The following WASF3 variants were observed in gnomAD, a reference collection of about 807,000 sequenced individuals.
The protein encoded by WASF3 is WASP family member 3.
In WASF3, 11 loss-of-function variants were observed where a neutral mutation model predicts 46.6. The observed-to-expected ratio is 0.24, with a 90% confidence interval of 0.15 to 0.39. WASF3 has a LOEUF of 0.39. Among genes scored for constraint, WASF3 ranks in the 10% least tolerant of loss-of-function variants. WASF3 has a pLI of 1.00. For missense variants in WASF3, 576 were observed against 669.8 expected, an observed-to-expected ratio of 0.86 and a Z score of 1.55; for synonymous variants, 242 against 259.7, an observed-to-expected ratio of 0.93 and a Z score of 0.65.
chr13:26,686,013 T>A lies in WASF3; in HGVS notation c.*168T>A. The A allele has an allele frequency of 1.2e-6, 1 of 852,474 alleles. No homozygotes were observed. The highest frequency in any genetic ancestry group is 2.0e-5 in the South Asian group (1 of 49,748). The allele number at this position is 852,474 out of a possible 1,614,324, so 52.8% of individuals were successfully genotyped here. A position where few individuals can be genotyped will look rare whatever the true frequency, so the allele number is the denominator to read the frequency against. The stretch of plus-strand genomic sequence containing the variant: ...CTGGGTCTTTTCAGTATTTACTGTG[T>A]AATACTTAAGTGCCACTAAACATAG... On this transcript the variant is annotated 3_prime_UTR_variant, in exon 10 of 10. Transcript: ENST00000335327.
At chr13:26,547,386 C>T in the WASF3 span, among the ~76,000 whole-genome samples, 135 of 106,546 alleles carry the variant, frequency 1.3e-3, no homozygotes, top group Non-Finnish European at 2.2e-3. Flanking sequence ...TTTTCTCCTA[C>T]CCCATCAACA....
intron 1 of WASF3, among the ~76,000 whole-genome samples, chr13:26,578,392 A>G (rs1285028971): frequency 2.0e-5 from 3 of 152,120 alleles, no homozygotes; most frequent in South Asian, 2.1e-4. Context: ...AATTGTTCGT[A>G]ATTCAGTCAT....
At chr13:26,542,603 G>A in the WASF3 span, among the ~76,000 whole-genome samples, 3 of 152,206 alleles carry the variant, frequency 2.0e-5, no homozygotes, top group Non-Finnish European at 4.4e-5. Context: ...AATCTTAATT[G>A]TAGTACTGCA....
rs1332851673 is a variant in WASF3, at chr13:26,605,848, ATAAC to A, written c.-108-7110_-108-7107del. 2.4e-4 allele frequency among the ~76,000 whole-genome samples: 36 copies of A among 152,320 alleles called. 1 individual carries two copies. The highest frequency in any genetic ancestry group is 8.2e-4 in the African/African-American group (34 of 41,570). On this transcript the variant is annotated intron_variant, in intron 1 of 9. Transcript: ENST00000335327. ...AGTTCACTTTTTGTTGTGGTAATGAATAACTAGGCAAATGCAAGAGTAGAACTCA... is the reference window on the plus strand; with the variant it reads ...AGTTCACTTTTTGTTGTGGTAATGAATAGGCAAATGCAAGAGTAGAACTCA...
chr13:26,641,205 G>A (rs986207451), intron 2 of WASF3: 1 of 152,104 alleles, frequency 6.6e-6, no homozygotes, highest in African/African-American at 2.4e-5. Flanking sequence ...AAGGGAGAAG[G>A]CATTCTTAAA....
At chr13:26,596,195 T>C (rs547214201) in intron 1 of WASF3, among the ~76,000 whole-genome samples, 4 of 152,046 alleles carry the variant, frequency 2.6e-5, no homozygotes, top group Middle Eastern at 6.8e-3. Context: ...AATAATGATA[T>C]CTCATTGTGG....
At chr13:26,594,283 A>G (rs1365513783) in intron 1 of WASF3, among the ~76,000 whole-genome samples, 1 of 152,142 alleles carries the variant, frequency 6.6e-6, no homozygotes, top group Non-Finnish European at 1.5e-5. Flanking sequence ...CTAACTCTGC[A>G]TTTGTTAGAT....
At chr13:26,678,737 G>A (rs960341651) in intron 7 of WASF3, among the ~76,000 whole-genome samples, 2 of 152,182 alleles carry the variant, frequency 1.3e-5, no homozygotes, top group African/African-American at 2.4e-5. Context: ...CTTGCCTGCT[G>A]TATGACCAGC....
chr13:26,564,713 G>C (rs1328332109), intron 1 of WASF3, among the ~76,000 whole-genome samples: 1 of 152,106 alleles, frequency 6.6e-6, no homozygotes, highest in African/African-American at 2.4e-5. Flanking sequence ...TTCATTCTTG[G>C]CACGTAGTAG....
the WASF3 span, among the ~76,000 whole-genome samples, chr13:26,541,851 G>C: frequency 6.6e-6 from 1 of 152,182 alleles, no homozygotes; most frequent in South Asian, 2.1e-4. Context: ...TCTTCGTTAA[G>C]CCTCCAACCA....
At chr13:26,680,792 T>C (rs567136813) in intron 7 of WASF3, among the ~76,000 whole-genome samples, 3 of 152,198 alleles carry the variant, frequency 2.0e-5, no homozygotes, top group Non-Finnish European at 4.4e-5. Context: ...CTCTGCTGTT[T>C]CCTGCTTGCC....
At chr13:26,539,272 G>A in the WASF3 span, among the ~76,000 whole-genome samples, 1 of 152,118 alleles carries the variant, frequency 6.6e-6, no homozygotes, top group Admixed American at 6.5e-5. Context: ...TTGACCAAGT[G>A]GTAGCTGAGT....
At chr13:26,683,658 C>G (rs1883313871) in intron 9 of WASF3, among the ~76,000 whole-genome samples, 1 of 151,928 alleles carries the variant, frequency 6.6e-6, no homozygotes, top group African/African-American at 2.4e-5. Flanking sequence ...AGAGTTTGTG[C>G]TGGACTTGTC....
chr13:26,539,929 A>G, the WASF3 span, among the ~76,000 whole-genome samples: 1 of 152,220 alleles, frequency 6.6e-6, no homozygotes, highest in African/African-American at 2.4e-5. Flanking sequence ...TTCAAGGGGC[A>G]GGTCTATGGG....
chr13:26,649,745 C>A (rs1882256871), intron 3 of WASF3, among the ~76,000 whole-genome samples: 2 of 152,176 alleles, frequency 1.3e-5, no homozygotes, highest in Non-Finnish European at 2.9e-5. Context: ...GGAGAAAAAT[C>A]TCTTTGTTCG....
At chr13:26,674,269 G>A (rs1240068351) in intron 6 of WASF3, among the ~76,000 whole-genome samples, 1 of 152,146 alleles carries the variant, frequency 6.6e-6, no homozygotes, top group Non-Finnish European at 1.5e-5. Context: ...CTTTTAAAAA[G>A]TAAGGGGAAT....
At chr13:26,631,698 A>T (rs1881656098) in intron 2 of WASF3, among the ~76,000 whole-genome samples, 2 of 152,148 alleles carry the variant, frequency 1.3e-5, no homozygotes, top group African/African-American at 4.8e-5. Flanking sequence ...GTTTTTTCCA[A>T]TTCTGTGAAG....
At chr13:26,583,879 C>G (rs1466541851) in intron 1 of WASF3, among the ~76,000 whole-genome samples, 1 of 152,126 alleles carries the variant, frequency 6.6e-6, no homozygotes, top group Non-Finnish European at 1.5e-5. Flanking sequence ...TCAAGTAGCC[C>G]AAAAAGGTTT....
At chr13:26,627,263 A>T (rs1056547221) in intron 2 of WASF3, among the ~76,000 whole-genome samples, 1 of 123,662 alleles carries the variant, frequency 8.1e-6, no homozygotes, top group Non-Finnish European at 1.9e-5. Context: ...AACATCTTAT[A>T]CTATACTTTT....
Sources: allele counts gnomAD v4.1 joint callset (sites outside exome capture counted in the v4.1 genomes callset), GRCh38; gene constraint gnomAD v4.1.1; transcripts MANE v1.5; gene names NCBI Gene and HGNC (gene_info 2026-07-23, HGNC 2026-07-21).